GALNT9: variants seen among roughly 807,000 people sequenced by gnomAD.
GALNT9 encodes the protein GalNAc transferase 9.
Under a neutral mutation model 63.1 loss-of-function variants are expected in GALNT9, and 47 were observed. The ratio of observed to expected loss-of-function variants is 0.75; its 90% CI spans 0.59 to 0.95. The LOEUF (loss-of-function observed/expected upper bound fraction) is 0.95, where lower values mean the gene tolerates loss of function less well. Among genes scored for constraint, GALNT9 ranks in the 40% least tolerant of loss-of-function variants. The pLI is 0.00. For synonymous variants in GALNT9, 396 were observed against 365.7 expected, an observed-to-expected ratio of 1.08 and a Z score of -0.94; for missense variants, 829 against 874.8, an observed-to-expected ratio of 0.95 and a Z score of 0.66.
Position 132,316,408 on chromosome 12 carries a change from A to G in GALNT9, c.238+12558T>C, listed in dbSNP as rs782370190. 4.6e-5 allele frequency among the ~76,000 whole-genome samples: 7 copies of G among 152,154 alleles called. No homozygotes were observed. Among genetic ancestry groups the G allele is most frequent in the Non-Finnish European group, 8.8e-5 (6 of 68,026 alleles). On this transcript the variant is annotated intron_variant, in intron 1 of 10. Coordinates refer to ENST00000328957, the MANE Select transcript of GALNT9 (RefSeq NM_001122636.2). This position sits in a 1 kb window ranked among gnomAD's most constrained non-coding sequence, Gnocchi z 4.3. ...ATATACTTCCTTTAAAAATCTATTT[A>G]GTGCTATAGCTTCACTAAAAAAGGA...
At chr12:132,313,993 C>A (rs1868386049) in intron 1 of GALNT9, among the ~76,000 whole-genome samples, 1 of 83,880 alleles carries the variant, frequency 1.2e-5, no homozygotes, top group African/African-American at 4.5e-5. Context: ...CATCACCCAC[C>A]CACCCATACA....
At chr12:132,248,789 C>G (rs1056784243) in intron 5 of GALNT9, among the ~76,000 whole-genome samples, 1 of 152,256 alleles carries the variant, frequency 6.6e-6, no homozygotes, top group Admixed American at 6.5e-5. Context: ...CTGGCCCCAT[C>G]TCTGTGAAAT....
intron 5 of GALNT9, among the ~76,000 whole-genome samples, chr12:132,249,783 G>A (rs1197669734): frequency 3.3e-5 from 5 of 152,298 alleles, no homozygotes; most frequent in Middle Eastern, 3.4e-3. Context: ...TTGACTTGCC[G>A]GAGAGATGCC....
intron 2 of GALNT9, among the ~76,000 whole-genome samples, chr12:132,267,791 G>GCACGCACACA (rs1879675305): frequency 2.1e-5 from 1 of 48,602 alleles, no homozygotes; most frequent in East Asian, 7.0e-4. Context: ...GCACACACAC[G>GCACGCACACA]CACTCACACG....
Position 132,246,109 on chromosome 12 carries a change from A to G in GALNT9, c.1077+1801T>C, listed in dbSNP as rs1878698688. On this transcript the variant is annotated intron_variant, in intron 6 of 10. Coordinates refer to ENST00000328957, the MANE Select transcript of GALNT9 (RefSeq NM_001122636.2). The surrounding 1 kb of genome is among the most constrained non-coding windows in gnomAD (Gnocchi z 4.7). ...GAGCATCAGGGGAGACGGTGAGAGAAGCCGACACCCGCGTGGGTGCGTTCA... is the reference window on the plus strand; with the variant it reads ...GAGCATCAGGGGAGACGGTGAGAGAGGCCGACACCCGCGTGGGTGCGTTCA... 6.6e-6 allele frequency among the ~76,000 whole-genome samples: 1 copy of G among 152,244 alleles called. No homozygotes were observed. The highest frequency in any genetic ancestry group is 1.5e-5 in the Non-Finnish European group (1 of 68,036).
intron 6 of GALNT9, 157 bp downstream of exon 6, chr12:132,247,753 T>A: frequency 6.0e-6 from 7 of 1,157,182 alleles, no homozygotes; most frequent in East Asian, 3.0e-5. Context: ...CCAGATGCCG[T>A]GGCCGCACTC....
rs73166863 is a variant in GALNT9, at chr12:132,216,304, G to A, written c.1078-12614C>T. 2.3e-3 allele frequency among the ~76,000 whole-genome samples: 353 copies of A among 152,332 alleles called. 1 individual carries two copies. Among genetic ancestry groups the A allele is most frequent in the Non-Finnish European group, 4.3e-3 (291 of 68,032 alleles). ...AAACAGAGGAAGACAGAGAGACAGAGAGAGGGGCACAGCCCCTTGCTTCTC... is the reference window on the plus strand; with the variant it reads ...AAACAGAGGAAGACAGAGAGACAGAAAGAGGGGCACAGCCCCTTGCTTCTC... On this transcript the variant is annotated intron_variant, in intron 6 of 10. Coordinates refer to ENST00000328957, the MANE Select transcript of GALNT9 (RefSeq NM_001122636.2).
chr12:132,237,508 C>T (rs1303616166), intron 6 of GALNT9, among the ~76,000 whole-genome samples: 1 of 152,112 alleles, frequency 6.6e-6, no homozygotes, highest in African/African-American at 2.4e-5. Flanking sequence ...CCCACACCTG[C>T]TGACACCTGC....
intron 1 of GALNT9, among the ~76,000 whole-genome samples, chr12:132,323,007 C>T (rs1214725428): frequency 6.6e-6 from 1 of 152,204 alleles, no homozygotes; most frequent in Non-Finnish European, 1.5e-5. Context: ...CCCCCTCCTC[C>T]AGCGCCTCCC....
rs1334439375 is a variant in GALNT9, at chr12:132,265,336, G to A, written c.420-2711C>T. 1.3e-5 allele frequency among the ~76,000 whole-genome samples: 2 copies of A among 152,132 alleles called. No homozygotes were observed. The highest frequency in any genetic ancestry group is 2.4e-5 in the African/African-American group (1 of 41,426). On this transcript the variant is annotated intron_variant, in intron 2 of 10. Coordinates refer to ENST00000328957, the MANE Select transcript of GALNT9 (RefSeq NM_001122636.2). This position sits in a 1 kb window ranked among gnomAD's most constrained non-coding sequence, Gnocchi z 5.3. ...CCTTTCCTTCCGTGGTGGGCTGAAC[G>A]GTGTCCTCCTCCCGCGACCCAAGAC...
chr12:132,304,803 A>G (rs1424828656), intron 1 of GALNT9, among the ~76,000 whole-genome samples: 4 of 30,696 alleles, frequency 1.3e-4, no homozygotes, highest in Non-Finnish European at 1.9e-4. Flanking sequence ...ACACACCCTC[A>G]CCTGGGCACA....
intron 2 of GALNT9, among the ~76,000 whole-genome samples, chr12:132,285,232 C>T (rs111740460): frequency 6.6e-5 from 10 of 152,232 alleles, no homozygotes; most frequent in African/African-American, 1.9e-4. Flanking sequence ...CGGTGAAACG[C>T]GGCCCCACTG....
At chr12:132,324,342 C>T (rs939083649) in intron 1 of GALNT9, among the ~76,000 whole-genome samples, 2 of 152,342 alleles carry the variant, frequency 1.3e-5, no homozygotes, top group South Asian at 2.1e-4. Flanking sequence ...CCGCGCCTTC[C>T]GCACGACCCC....
chr12:132,229,280 C>T (rs1162536743), intron 6 of GALNT9, among the ~76,000 whole-genome samples: 4 of 152,240 alleles, frequency 2.6e-5, no homozygotes, highest in East Asian at 1.9e-4. Flanking sequence ...CGCCCCATCT[C>T]GCCCTGGGTC....
rs188329204 is a variant in GALNT9, at chr12:132,289,214, G to T, written c.239-2784C>A. On this transcript the variant is annotated intron_variant, in intron 1 of 10. Transcript: ENST00000328957. ...TTTTCTCTTCTGTAACCCCTGTTAA[G>T]TGAACGTTTCCCCTCCCGGTTTATC... Among the ~76,000 whole-genome samples the T allele has an allele frequency of 8.5e-5, 13 of 152,288 alleles. No individual in the cohort carries two copies. In the East Asian group the frequency reaches 2.3e-3, roughly 27 times the overall value.
intron 1 of GALNT9, among the ~76,000 whole-genome samples, chr12:132,313,699 CACCT>C: frequency 6.7e-6 from 1 of 148,180 alleles, no homozygotes; most frequent in Non-Finnish European, 1.5e-5. Flanking sequence ...TCCATTCACC[CACCT>C]ACCCATCCAC....
chr12:132,223,035 CCACA>C (rs1310663682), intron 6 of GALNT9, among the ~76,000 whole-genome samples: 33,346 of 70,714 alleles, frequency 0.47, 9,821 homozygotes, highest in East Asian at 0.64. Flanking sequence ...AACCCGTACC[CCACA>C]CACACAGACA....
intron 5 of GALNT9, among the ~76,000 whole-genome samples, chr12:132,253,749 G>A (rs1422334300): frequency 1.3e-5 from 2 of 152,206 alleles, no homozygotes; most frequent in Non-Finnish European, 2.9e-5. Context: ...CTTAAAAAGT[G>A]AGGTGGTTAT....
At chr12:132,254,702 AACATG>A (rs1237658066) in intron 5 of GALNT9, among the ~76,000 whole-genome samples, 17 of 152,358 alleles carry the variant, frequency 1.1e-4, no homozygotes, top group African/African-American at 3.8e-4. Context: ...TCACTTGTTG[AACATG>A]GTGAAATCAA....
Sources: gnomAD v4.1 joint callset for allele counts (sites outside exome capture counted in the v4.1 genomes callset) on GRCh38, gnomAD v4.1.1 for gene constraint, Gnocchi (gnomAD v3.1) non-coding constraint, MANE v1.5 for transcripts, NCBI Gene and HGNC (gene_info 2026-07-23, HGNC 2026-07-21) for gene names.